IMPA2: variants seen among roughly 807,000 people sequenced by gnomAD.
IMPA2 encodes inositol monophosphatase 2, also known as IMP 2.
A neutral mutation model predicts 35.1 loss-of-function variants in IMPA2; 32 were observed. The ratio of observed to expected loss-of-function variants is 0.91; its 90% confidence interval spans 0.69 to 1.23. IMPA2 has a LOEUF of 1.23. Ranked by LOEUF, IMPA2 falls within the 50% of genes most tolerant of loss-of-function variation. The probability of loss-of-function intolerance (pLI) is 0.00; values close to 1 mark genes in which losing one functional copy is unlikely to be tolerated. For missense variants in IMPA2, 334 were observed against 387.6 expected (o/e 0.86, Z 1.16); for synonymous variants, 135 against 160.6 (o/e 0.84, Z 1.20).
intron 1 of IMPA2, 81 bp downstream of exon 1, chr18:11,981,846 C>T (rs1906508558): frequency 4.0e-6 from 4 of 995,618 alleles, no homozygotes; most frequent in Non-Finnish European, 3.9e-6. Context: ...TGGCGGGGTC[C>T]TGGCGCGCAG....
chr18:11,984,779 A>G (rs1906609719), intron 1 of IMPA2, among the ~76,000 whole-genome samples: 1 of 151,898 alleles, frequency 6.6e-6, no homozygotes, highest in African/African-American at 2.4e-5. Flanking sequence ...CATCCTGGCT[A>G]ACACGGTGAA....
At chr18:12,008,838 C>G (rs567146338) in intron 2 of IMPA2, among the ~76,000 whole-genome samples, 1 of 152,024 alleles carries the variant, frequency 6.6e-6, no homozygotes, top group Non-Finnish European at 1.5e-5. Context: ...GCAGGACAGA[C>G]GCACACTCAA....
rs564879966 is a variant in IMPA2, at chr18:12,028,962, A to T, written c.720A>T (p.Arg240Ser). The change falls in exon 7 of 8, where the codon AGA (arginine) becomes AGT (serine). Residue 240 changes from arginine to serine, a missense_variant. Transcript: ENST00000269159. Reference sequence around the variant, plus strand: ...TGGCGGCTGCCACAGTCATCATCAGAGAAGCAGGCGGCATCGTGATAGACA... The same window carrying T: ...TGGCGGCTGCCACAGTCATCATCAGTGAAGCAGGCGGCATCGTGATAGACA... Reference protein sequence around the residue: ...WDLAAATVIIREAGGIVIDTS... With the variant: ...WDLAAATVIISEAGGIVIDTS... The T allele has an allele frequency of 5.0e-6, 8 of 1,613,902 alleles. No homozygotes were observed. The highest frequency in any genetic ancestry group is 5.1e-6 in the Non-Finnish European group (6 of 1,180,012).
chr18:11,981,569 G>A lies in IMPA2; in HGVS notation c.-101G>A. 1 of 750,244 alleles carries A rather than the reference G, an allele frequency of 1.3e-6. No individual in the cohort carries two copies. The highest frequency in any genetic ancestry group is 3.4e-5 in the East Asian group (1 of 29,042). The allele number at this position is 750,244 out of a possible 1,614,324, so 46.5% of individuals were successfully genotyped here. On this transcript the variant is annotated 5_prime_UTR_variant, in exon 1 of 8. Coordinates refer to ENST00000269159, the MANE Select transcript of IMPA2 (RefSeq NM_014214.3). ...GACTAGGCACAGAGCTGCGGGAGCAGGCACAGGGAGTGTGGAGCCTGGCGG... is the reference window on the plus strand; with the variant it reads ...GACTAGGCACAGAGCTGCGGGAGCAAGCACAGGGAGTGTGGAGCCTGGCGG...
intron 2 of IMPA2, among the ~76,000 whole-genome samples, chr18:12,007,269 A>G (rs1478307430): frequency 6.6e-6 from 1 of 152,172 alleles, no homozygotes; most frequent in Non-Finnish European, 1.5e-5. Flanking sequence ...GTAGCCGCTC[A>G]CCCACGTGAC....
rs557735871 is a variant in IMPA2 at position 11,982,700 on chromosome 18, GGA to G, written c.96+938_96+939del. ...TCCAGCTATTTGGGAGGCTGAGGCA[GGA>G]GAATCACTTGAACCTGGGAGGCGAA... On this transcript the variant is annotated intron_variant, in intron 1 of 7. Transcript: ENST00000269159. 7.1e-4 allele frequency among the ~76,000 whole-genome samples: 108 copies of G among 152,092 alleles called. 1 individual carries two copies. The highest frequency in any genetic ancestry group is 2.8e-3 in the Admixed American group (43 of 15,276).
chr18:11,995,618 A>G (rs1906939047), intron 1 of IMPA2, among the ~76,000 whole-genome samples: 1 of 152,148 alleles, frequency 6.6e-6, no homozygotes, highest in Non-Finnish European at 1.5e-5. Flanking sequence ...GGGGAGACGC[A>G]TGGTCACCGT....
chr18:11,996,337 C>T (rs1391009827), intron 1 of IMPA2, among the ~76,000 whole-genome samples: 1 of 152,140 alleles, frequency 6.6e-6, no homozygotes, highest in Non-Finnish European at 1.5e-5. Flanking sequence ...AGCGGGAAGC[C>T]GTTGGATCAT....
intron 1 of IMPA2, among the ~76,000 whole-genome samples, chr18:11,989,529 C>G (rs1217015642): frequency 1.3e-5 from 2 of 152,158 alleles, no homozygotes; most frequent in African/African-American, 2.4e-5. Context: ...GGGTGGGGGT[C>G]GGTACATGGT....
At chr18:11,998,419 A>G (rs572466218) in intron 1 of IMPA2, among the ~76,000 whole-genome samples, 71 of 152,290 alleles carry the variant, frequency 4.7e-4, no homozygotes, top group African/African-American at 1.4e-3. Flanking sequence ...GGATCCTTGC[A>G]TGAACTCTGA....
At position 12,029,148 on chromosome 18, in the gene IMPA2, G is replaced by A. The variant is rs1466971872; in HGVS notation, c.751+155G>A. On this transcript the variant is annotated intron_variant, in intron 7 of 7. Coordinates refer to ENST00000269159, the MANE Select transcript of IMPA2 (RefSeq NM_014214.3). ...TTTTTTTTTTTGAGACGGGGTCTTG[G>A]TGTCACACAGGATGGAGTGCAGTGG... 2.2e-5 allele frequency among the ~76,000 whole-genome samples: 3 copies of A among 139,162 alleles called. No homozygotes were observed. The East Asian group carries it at 6.2e-4, about 29-fold the overall frequency. The allele number at this position is 139,162 out of a possible 152,430, so 91.3% of individuals were successfully genotyped here.
intron 5 of IMPA2, 60 bp downstream of exon 5, chr18:12,014,433 C>A: frequency 9.6e-7 from 1 of 1,039,644 alleles, no homozygotes; most frequent in Non-Finnish European, 1.4e-6. Context: ...AAGGAGAATG[C>A]CAAAGCCACC....
At chr18:12,024,715 T>TC (rs1224868016) in intron 5 of IMPA2, among the ~76,000 whole-genome samples, 1 of 151,982 alleles carries the variant, frequency 6.6e-6, no homozygotes, top group Admixed American at 6.6e-5. Context: ...CTTGCTTTTC[T>TC]CCCCCTCCCT....
chr18:12,009,962 G>C lies in IMPA2; in HGVS notation c.310G>C (p.Asp104His). The C allele has an allele frequency of 1.2e-6, 2 of 1,613,978 alleles. No individual in the cohort carries two copies. The highest frequency in any genetic ancestry group is 1.7e-6 in the Non-Finnish European group (2 of 1,180,016). Residue 104 changes from aspartate to histidine, a missense_variant, in exon 3 of 8, where the codon GAC (aspartate) becomes CAC (histidine). By Grantham distance (81) the Asp-to-His change is moderately conservative (BLOSUM62 -1). Coordinates refer to ENST00000269159, the MANE Select transcript of IMPA2 (RefSeq NM_014214.3). ...CCCGACGTGGATCATCGACCCCATC[G>C]ACGGCACCTGCAATTTTGTGCACAG... ...HSPTWIIDPI[D>H]GTCNFVHRFP...
At position 11,991,125 on chromosome 18, in the gene IMPA2, C is replaced by T. The variant is rs1906800328; in HGVS notation, c.97-7929C>T. On this transcript the variant is annotated intron_variant, in intron 1 of 7. Coordinates refer to ENST00000269159, the MANE Select transcript of IMPA2 (RefSeq NM_014214.3). The surrounding 1 kb of genome is among the most constrained non-coding windows in gnomAD (Gnocchi z 4.1). ...AAGGAATAGTGGGAGGGAGATGAGC[C>T]GCAGAATGGTGGGGAGATAGGAGGA... Among the ~76,000 whole-genome samples the T allele has an allele frequency of 6.6e-6, 1 of 152,032 alleles. No individual in the cohort carries two copies. Among genetic ancestry groups the T allele is most frequent in the Non-Finnish European group, 1.5e-5 (1 of 68,012 alleles).
At chr18:12,006,045 G>A (rs1259084129) in intron 2 of IMPA2, among the ~76,000 whole-genome samples, 5 of 152,068 alleles carry the variant, frequency 3.3e-5, no homozygotes, top group African/African-American at 9.7e-5. Context: ...GGTGTGGAGC[G>A]TTTTCTTTAA....
chr18:12,012,783 A>G (rs1249298576), intron 4 of IMPA2, among the ~76,000 whole-genome samples: 1 of 152,166 alleles, frequency 6.6e-6, no homozygotes, highest in African/African-American at 2.4e-5. Flanking sequence ...TTTCTTTCTA[A>G]TTGAAACAGT....
At chr18:12,023,893 G>A (rs1213922490) in intron 5 of IMPA2, among the ~76,000 whole-genome samples, 8 of 152,244 alleles carry the variant, frequency 5.3e-5, no homozygotes, top group Admixed American at 3.9e-4. Context: ...TTGAGGGGGC[G>A]TATGTATAAT....
At chr18:12,007,261 A>C (rs1041824810) in intron 2 of IMPA2, among the ~76,000 whole-genome samples, 56 of 152,340 alleles carry the variant, frequency 3.7e-4, no homozygotes, top group African/African-American at 1.3e-3. Context: ...CCACAGTGGT[A>C]GCCGCTCACC....
Sources: gnomAD v4.1 joint callset for allele counts (sites outside exome capture counted in the v4.1 genomes callset) on GRCh38, gnomAD v4.1.1 for gene constraint, Gnocchi (gnomAD v3.1) non-coding constraint, MANE v1.5 for transcripts, NCBI Gene and HGNC (gene_info 2026-07-23, HGNC 2026-07-21) for gene names.